Variants in PLCE1 observed in about 807,000 individuals in gnomAD.
PLCE1 encodes 1-phosphatidylinositol 4,5-bisphosphate phosphodiesterase epsilon-1.
Under a neutral mutation model 242.8 loss-of-function variants are expected in PLCE1, and 119 were observed. The observed-to-expected ratio is 0.49, with a 90% CI of 0.42 to 0.57. The LOEUF (loss-of-function observed/expected upper bound fraction) is 0.57. Among genes scored for constraint, PLCE1 ranks in the 20% least tolerant of loss-of-function variants. The pLI, the probability that PLCE1 is intolerant of heterozygous loss-of-function variation, is 0.00. For synonymous variants in PLCE1, 945 were observed against 1,017.4 expected, an observed-to-expected ratio of 0.93 and a Z score of 1.35; for missense variants, 2,441 against 2,788.8, an observed-to-expected ratio of 0.88 and a Z score of 2.81.
chr10:94,101,967 G>C (rs2045554716), intron 2 of PLCE1, among the ~76,000 whole-genome samples: 1 of 152,188 alleles, frequency 6.6e-6, no homozygotes, highest in Non-Finnish European at 1.5e-5. Flanking sequence ...CCACTCGGAT[G>C]AGTGGGGCTG....
intron 2 of PLCE1, among the ~76,000 whole-genome samples, chr10:94,119,053 C>T (rs1186958422): frequency 6.6e-6 from 1 of 152,166 alleles, no homozygotes; most frequent in Admixed American, 6.5e-5. Flanking sequence ...AGGAAAAGTC[C>T]TAAGTCCTCG....
At chr10:94,324,642 G>GCT (rs2053942242) in intron 31 of PLCE1, 75 bp downstream of exon 31, 1 of 1,279,546 alleles carries the variant, frequency 7.8e-7, no homozygotes, top group African/African-American at 1.5e-5. Flanking sequence ...AGATCTGGAA[G>GCT]CTGGTGAAAT....
intron 1 of PLCE1, among the ~76,000 whole-genome samples, chr10:94,025,571 C>T (rs2061441256): frequency 6.6e-6 from 1 of 152,148 alleles, no homozygotes; most frequent in African/African-American, 2.4e-5. Context: ...ATATATTGAG[C>T]ATCCCTGATG....
At chr10:94,011,834 C>T (rs1379221894) in intron 1 of PLCE1, among the ~76,000 whole-genome samples, 1 of 151,998 alleles carries the variant, frequency 6.6e-6, no homozygotes, top group African/African-American at 2.4e-5. Flanking sequence ...ATGGAGGGAC[C>T]TTCTACTCTC....
chr10:94,179,866 T>G (rs2048253194), intron 4 of PLCE1, among the ~76,000 whole-genome samples: 2 of 151,842 alleles, frequency 1.3e-5, no homozygotes, highest in Non-Finnish European at 2.9e-5. Flanking sequence ...TATATGAGTA[T>G]TCAGAGAAAT....
intron 26 of PLCE1, among the ~76,000 whole-genome samples, chr10:94,308,013 T>G (rs1664745987): frequency 6.6e-6 from 1 of 152,220 alleles, no homozygotes; most frequent in African/African-American, 2.4e-5. Context: ...CACATGAGCA[T>G]ACAGATATAT....
rs1402497186 is a variant in PLCE1, at chr10:94,298,953, TG to T, written c.5458+285del. Among the ~76,000 whole-genome samples the T allele has an allele frequency of 6.6e-6, 1 of 152,194 alleles. No homozygotes were observed. Among genetic ancestry groups the T allele is most frequent in the African/African-American group, 2.4e-5 (1 of 41,434 alleles). ...TACCAAGCTGCTCTTGACAAAGCCA[TG>T]CCCGGTTTATGTTTAAAGCTCTTTT... On this transcript the variant is annotated intron_variant, in intron 24 of 32. Coordinates refer to ENST00000371380, the MANE Select transcript of PLCE1 (RefSeq NM_016341.4). This position sits in a 1 kb window ranked among gnomAD's most constrained non-coding sequence, Gnocchi z 5.2.
intron 2 of PLCE1, among the ~76,000 whole-genome samples, chr10:94,092,686 G>T (rs1157926552): frequency 6.6e-6 from 1 of 151,584 alleles, no homozygotes; most frequent in Admixed American, 6.6e-5. Context: ...ATAAGGAAGA[G>T]ACATCTTTGA....
chr10:94,150,645 G>T (rs2047246435), intron 3 of PLCE1, among the ~76,000 whole-genome samples: 2 of 152,184 alleles, frequency 1.3e-5, no homozygotes, highest in South Asian at 4.1e-4. Context: ...GTGTTTTGCA[G>T]TCCTTCTAGC....
At chr10:94,276,726 T>C (rs2051967724) in intron 19 of PLCE1, among the ~76,000 whole-genome samples, 1 of 152,200 alleles carries the variant, frequency 6.6e-6, no homozygotes, top group Non-Finnish European at 1.5e-5. Context: ...CTTTATTTTC[T>C]AAGTTCTCAC....
At chr10:94,302,875 C>A (rs1013293585) in intron 24 of PLCE1, among the ~76,000 whole-genome samples, 6 of 152,120 alleles carry the variant, frequency 3.9e-5, no homozygotes, top group Admixed American at 3.9e-4. Flanking sequence ...ACTGTATGTC[C>A]ATTTCACCTT....
intron 4 of PLCE1, among the ~76,000 whole-genome samples, chr10:94,173,091 C>T (rs1050000268): frequency 6.6e-6 from 1 of 152,196 alleles, no homozygotes; most frequent in African/African-American, 2.4e-5. Context: ...TTGTCATTAG[C>T]CCTATCTTAT....
intron 22 of PLCE1, among the ~76,000 whole-genome samples, chr10:94,288,983 C>G (rs888671845): frequency 6.6e-6 from 1 of 152,284 alleles, no homozygotes; most frequent in Non-Finnish European, 1.5e-5. Flanking sequence ...CCACAGAGAG[C>G]CTTGGCCATC....
rs982998793 is a variant in PLCE1 at position 94,125,160 on chromosome 10, A to G, written c.1207-7014A>G. ...CCAAACACTGTTCTAGACACTGCAGATACAGCAGTGAAAAAAAGAAAATCT... is the reference window on the plus strand; with the variant it reads ...CCAAACACTGTTCTAGACACTGCAGGTACAGCAGTGAAAAAAAGAAAATCT... On this transcript the variant is annotated intron_variant, in intron 2 of 32. Transcript: ENST00000371380. Among the ~76,000 whole-genome samples, 47 of 152,206 alleles carry G rather than the reference A, an allele frequency of 3.1e-4. 1 individual carries two copies.
At chr10:94,189,258 TATA>T (rs2048585826) in intron 4 of PLCE1, among the ~76,000 whole-genome samples, 1 of 148,546 alleles carries the variant, frequency 6.7e-6, no homozygotes, top group African/African-American at 2.4e-5. Context: ...GACATAGATA[TATA>T]ATATTAATAT....
In PLCE1 at chr10:94,236,033, A is replaced by G. The variant is rs370127450; in HGVS notation, c.2333A>G (p.Asn778Ser). 9 of 1,614,024 alleles carry G rather than the reference A, an allele frequency of 5.6e-6. No individual in the cohort carries two copies. Among genetic ancestry groups the G allele is most frequent in the Admixed American group, 3.3e-5 (2 of 60,014 alleles). The part of the protein sequence containing the change: ...NSIFQVIRSC[N>S]RSLETDEEDS... ...ATCTTTCAGGTCATCCGGAGCTGCAATCGAAGTCTGGAGACAGACGAGGAG... is the reference window on the plus strand; with the variant it reads ...ATCTTTCAGGTCATCCGGAGCTGCAGTCGAAGTCTGGAGACAGACGAGGAG... The change falls in exon 7 of 33, where the codon AAT (asparagine) becomes AGT (serine). Residue 778 changes from asparagine (N) to serine (S), a missense_variant. Physicochemically the swap from Asn to Ser is conservative, Grantham distance 46. Transcript: ENST00000371380.
intron 4 of PLCE1, among the ~76,000 whole-genome samples, chr10:94,172,412 G>C (rs1406235400): frequency 6.6e-6 from 1 of 152,184 alleles, no homozygotes; most frequent in African/African-American, 2.4e-5. Context: ...TTAGTTGGCT[G>C]AACACAGAGT....
intron 2 of PLCE1, among the ~76,000 whole-genome samples, chr10:94,060,990 C>G (rs986680717): frequency 2.6e-5 from 4 of 152,072 alleles, no homozygotes; most frequent in African/African-American, 9.7e-5. Flanking sequence ...TGAGCCACCA[C>G]GCCCAGCCTG....
rs906908388 is a variant in PLCE1 at position 94,039,435 on chromosome 10, G to A, written c.1206+7183G>A. On this transcript the variant is annotated intron_variant, in intron 2 of 32. Coordinates refer to ENST00000371380, the MANE Select transcript of PLCE1 (RefSeq NM_016341.4). Reference sequence around the variant, plus strand: ...CTTGCTCTGTTGCCCAGGCTGGAGTGCAGTGGCACAATCTAGACTCACTGC... The same window carrying A: ...CTTGCTCTGTTGCCCAGGCTGGAGTACAGTGGCACAATCTAGACTCACTGC... Among the ~76,000 whole-genome samples, 7 of 151,392 alleles carry A rather than the reference G, an allele frequency of 4.6e-5. No homozygotes were observed. The South Asian group carries it at 1.0e-3, about 23-fold the overall frequency.
Sources: gnomAD v4.1 joint callset for allele counts (sites outside exome capture counted in the v4.1 genomes callset) on GRCh38, gnomAD v4.1.1 for gene constraint, Gnocchi (gnomAD v3.1) non-coding constraint, MANE v1.5 for transcripts, NCBI Gene and HGNC (gene_info 2026-07-23, HGNC 2026-07-21) for gene names.